The following ADGRB3 variants were observed in gnomAD, a reference collection of about 807,000 sequenced individuals.
ADGRB3 encodes adhesion G protein-coupled receptor B3, also known as brain-specific angiogenesis inhibitor 3.
Under a neutral mutation model 193.4 loss-of-function variants are expected in ADGRB3, and 37 were observed. The ratio of observed to expected loss-of-function variants is 0.19; its 90% confidence interval spans 0.15 to 0.25. ADGRB3 has a LOEUF of 0.25. ADGRB3 is among the 10% of genes least tolerant of loss of function. The pLI is 1.00. For missense variants in ADGRB3, 1,637 were observed against 1,852.9 expected, an observed-to-expected ratio of 0.88 and a Z score of 2.14; for synonymous variants, 690 against 644.2, an observed-to-expected ratio of 1.07 and a Z score of -1.08.
At chr6:68,794,146 A>G (rs752947930) in intron 3 of ADGRB3, among the ~76,000 whole-genome samples, 1 of 152,100 alleles carries the variant, frequency 6.6e-6, no homozygotes, top group Non-Finnish European at 1.5e-5. Flanking sequence ...TCAACATTGG[A>G]GCTCGTAGTA....
At chr6:69,341,581 T>C (rs924299125) in intron 26 of ADGRB3, among the ~76,000 whole-genome samples, 1 of 152,142 alleles carries the variant, frequency 6.6e-6, no homozygotes, top group Non-Finnish European at 1.5e-5. Context: ...ACTATTCCCT[T>C]AGCAAGTTTC....
intron 10 of ADGRB3, among the ~76,000 whole-genome samples, chr6:68,991,412 G>T (rs1769233138): frequency 6.6e-6 from 1 of 152,090 alleles, no homozygotes; most frequent in African/African-American, 2.4e-5. Flanking sequence ...CACAATGGCA[G>T]GTAAGGTTGA....
At chr6:69,067,325 A>G (rs1282768843) in intron 16 of ADGRB3, among the ~76,000 whole-genome samples, 1 of 152,160 alleles carries the variant, frequency 6.6e-6, no homozygotes, top group Non-Finnish European at 1.5e-5. Context: ...TTCTAATAGC[A>G]TGAAGCTAAC....
At chr6:69,127,985 A>T (rs528041077) in intron 17 of ADGRB3, among the ~76,000 whole-genome samples, 1 of 152,228 alleles carries the variant, frequency 6.6e-6, no homozygotes, top group South Asian at 2.1e-4. Context: ...AGAGACACTA[A>T]AGCCATCTCT....
At chr6:68,957,046 A>G (rs72906733) in intron 8 of ADGRB3, among the ~76,000 whole-genome samples, 5 of 152,278 alleles carry the variant, frequency 3.3e-5, no homozygotes, top group Non-Finnish European at 5.9e-5. Context: ...TAGGATATAT[A>G]TACTGGAAAT....
intron 11 of ADGRB3, 151 bp downstream of exon 11, chr6:68,994,113 G>T: frequency 2.8e-6 from 2 of 717,280 alleles, no homozygotes; most frequent in South Asian, 2.1e-5. Context: ...AATGACCTCA[G>T]TTCCCTTAGT....
At chr6:68,703,537 G>C (rs1399079171) in intron 3 of ADGRB3, among the ~76,000 whole-genome samples, 1 of 151,914 alleles carries the variant, frequency 6.6e-6, no homozygotes, top group Non-Finnish European at 1.5e-5. Context: ...TCTACATAGG[G>C]AATTTTCTTT....
chr6:69,049,878 T>G (rs1215705241), intron 15 of ADGRB3, among the ~76,000 whole-genome samples: 1 of 152,212 alleles, frequency 6.6e-6, no homozygotes, highest in African/African-American at 2.4e-5. Context: ...TATTAATTTC[T>G]TTCCTCCCAG....
chr6:69,191,094 A>G (rs1165500840), intron 17 of ADGRB3, among the ~76,000 whole-genome samples: 1 of 152,238 alleles, frequency 6.6e-6, no homozygotes, highest in Non-Finnish European at 1.5e-5. Context: ...TTCATATACT[A>G]AATCCTATCT....
intron 26 of ADGRB3, among the ~76,000 whole-genome samples, chr6:69,353,087 G>A (rs977306842): frequency 7.2e-5 from 11 of 152,166 alleles, no homozygotes; most frequent in African/African-American, 1.2e-4. Context: ...TCAACAGCTC[G>A]TGGGGAGCTT....
In ADGRB3 at chr6:69,053,431, A is replaced by G. The variant is rs181091261; in HGVS notation, c.2333+4085A>G. 2.1e-4 allele frequency among the ~76,000 whole-genome samples: 32 copies of G among 152,330 alleles called. No individual in the cohort carries two copies. In the East Asian group the frequency reaches 5.6e-3, roughly 27 times the overall value. Reference sequence around the variant, plus strand: ...CTATTTATTATTTTAAGCAATACAAACCATAGACTTCCATGATAGCACATG... The same window carrying G: ...CTATTTATTATTTTAAGCAATACAAGCCATAGACTTCCATGATAGCACATG... On this transcript the variant is annotated intron_variant, in intron 15 of 31. Transcript: ENST00000370598.
intron 20 of ADGRB3, among the ~76,000 whole-genome samples, chr6:69,277,648 A>G (rs570566524): frequency 6.6e-6 from 1 of 152,278 alleles, no homozygotes; most frequent in East Asian, 1.9e-4. Context: ...ATGGATTTCT[A>G]TAGAGCTAAT....
intron 17 of ADGRB3, among the ~76,000 whole-genome samples, chr6:69,205,263 C>G: frequency 6.6e-6 from 1 of 152,006 alleles, no homozygotes; most frequent in African/African-American, 2.4e-5. Context: ...ATTTTTCTCC[C>G]CTCTAAGAAG....
intron 3 of ADGRB3, among the ~76,000 whole-genome samples, chr6:68,817,919 T>C (rs1196096401): frequency 6.6e-6 from 1 of 152,122 alleles, no homozygotes; most frequent in Non-Finnish European, 1.5e-5. Context: ...AGTTTACATA[T>C]TTAGTGTTGT....
chr6:68,941,978 A>G (rs1245614840), intron 5 of ADGRB3, among the ~76,000 whole-genome samples: 2 of 151,148 alleles, frequency 1.3e-5, no homozygotes, highest in Non-Finnish European at 3.0e-5. Context: ...CCAAAATTTT[A>G]TGGGAAAAAA....
intron 20 of ADGRB3, among the ~76,000 whole-genome samples, chr6:69,266,672 A>G (rs1299830271): frequency 1.3e-5 from 2 of 152,222 alleles, no homozygotes; most frequent in Non-Finnish European, 2.9e-5. Context: ...ATACACACAT[A>G]CATACACACA....
At chr6:69,225,211 T>G (rs1049542059) in intron 17 of ADGRB3, among the ~76,000 whole-genome samples, 1 of 152,310 alleles carries the variant, frequency 6.6e-6, no homozygotes, top group East Asian at 1.9e-4. Context: ...GCAATCTAAT[T>G]TATATCTGAC....
intron 20 of ADGRB3, among the ~76,000 whole-genome samples, chr6:69,306,322 C>A (rs981511557): frequency 6.6e-6 from 1 of 151,534 alleles, no homozygotes; most frequent in Non-Finnish European, 1.5e-5. Flanking sequence ...ATCAAGACCA[C>A]TAACATTTTT....
intron 4 of ADGRB3, among the ~76,000 whole-genome samples, chr6:68,934,517 T>G (rs1181996013): frequency 6.6e-6 from 1 of 152,186 alleles, no homozygotes; most frequent in Admixed American, 6.6e-5. Context: ...TAGAACTAAT[T>G]TTATTCATAA....
Sources: allele counts gnomAD v4.1 joint callset (sites outside exome capture counted in the v4.1 genomes callset), GRCh38; gene constraint gnomAD v4.1.1; transcripts MANE v1.5; gene names NCBI Gene and HGNC (gene_info 2026-07-23, HGNC 2026-07-21).